PAH: variants seen among roughly 807,000 people sequenced by gnomAD.
The protein encoded by PAH is phenylalanine hydroxylase.
In PAH, 64 loss-of-function variants were observed where a neutral mutation model predicts 62.0. The ratio of observed to expected loss-of-function variants is 1.03; its 90% CI spans 0.84 to 1.27. PAH has a LOEUF of 1.27. PAH is among the 50% of genes most tolerant of loss of function. The pLI, the probability that PAH is intolerant of heterozygous loss-of-function variation, is 0.00. For missense variants in PAH, 579 were observed against 542.8 expected, an observed-to-expected ratio of 1.07 and a Z score of -0.66; for synonymous variants, 195 against 196.2, an observed-to-expected ratio of 0.99 and a Z score of 0.05.
chr12:102,946,722 T>C (rs1368023237), intron 1 of PAH: 6 of 152,212 alleles, frequency 3.9e-5, no homozygotes, highest in African/African-American at 1.2e-4. Context: ...AAAACTAAAA[T>C]AGCGTACTGT....
Position 102,838,984 on chromosome 12 carries a change from T to C in PAH, c.*191A>G, listed in dbSNP as rs1195953226. 1.3e-5 allele frequency: 8 copies of C among 608,304 alleles called. No individual in the cohort carries two copies. The highest frequency in any genetic ancestry group is 5.5e-5 in the East Asian group (2 of 36,210). 37.7% of individuals were successfully genotyped at this position (608,304 alleles called of 1,614,324 possible). A position where few individuals can be genotyped will look rare whatever the true frequency, so the allele number is the denominator to read the frequency against. ...GATGACCCCAAAAGATTTACCATTATGCTCTTGAGTATGTACTCATATCCT... is the reference window on the plus strand; with the variant it reads ...GATGACCCCAAAAGATTTACCATTACGCTCTTGAGTATGTACTCATATCCT... On this transcript the variant is annotated 3_prime_UTR_variant, in exon 13 of 13. Coordinates refer to ENST00000553106, the MANE Select transcript of PAH (RefSeq NM_000277.3).
chr12:102,891,692 G>A (rs1036754234), intron 3 of PAH, among the ~76,000 whole-genome samples: 3 of 152,134 alleles, frequency 2.0e-5, no homozygotes, highest in South Asian at 2.1e-4. Context: ...AAGTCACACC[G>A]AGTGTGGTCG....
In PAH at chr12:102,866,682, C is replaced by A; in HGVS notation, c.442-19G>T. ...TAAAACCCTAGGAGAAAAGAGACAC[C>A]TGATTTTTCAAGGCTTCATAGGAAG... On this transcript the variant is annotated intron_variant, in intron 4 of 12. Coordinates refer to ENST00000553106, the MANE Select transcript of PAH (RefSeq NM_000277.3). 1 of 1,607,868 alleles carries A rather than the reference C, an allele frequency of 6.2e-7. No homozygotes were observed. The highest frequency in any genetic ancestry group is 8.5e-7 in the Non-Finnish European group (1 of 1,174,494).
chr12:102,884,419 CTT>C (rs1876944984), intron 3 of PAH, among the ~76,000 whole-genome samples: 1 of 152,206 alleles, frequency 6.6e-6, no homozygotes, highest in African/African-American at 2.4e-5. Context: ...TGTGCTGACT[CTT>C]TACATTGTGC....
chr12:102,957,889 C>G lies in PAH; in HGVS notation c.-96+306G>C, dbSNP rs989424784. On this transcript the variant is annotated intron_variant, in intron 1 of 4. Coordinates refer to the PAH transcript ENST00000551337. The surrounding 1 kb of genome is among the most constrained non-coding windows in gnomAD (Gnocchi z 4.1). ...CGCGGCAGAGCGCGTTCAGCACTGA[C>G]TTTTGCTGCTGCTTCTGCTTTTTTT... 1 of 198,732 alleles carries G rather than the reference C, an allele frequency of 5.0e-6. No individual in the cohort carries two copies. Among genetic ancestry groups the G allele is most frequent in the Admixed American group, 6.0e-5 (1 of 16,554 alleles). 12.3% of individuals were successfully genotyped at this position (198,732 alleles called of 1,614,324 possible).
At chr12:102,844,070 C>G (rs992167085) in intron 10 of PAH, among the ~76,000 whole-genome samples, 1 of 152,078 alleles carries the variant, frequency 6.6e-6, no homozygotes, top group African/African-American at 2.4e-5. Context: ...TGTTTGCATA[C>G]TCACAAGGCT....
intron 11 of PAH, among the ~76,000 whole-genome samples, chr12:102,842,914 T>C (rs569967948): frequency 5.8e-4 from 88 of 152,240 alleles, no homozygotes; most frequent in African/African-American, 2.1e-3. Context: ...CAGTGAGTAT[T>C]AGGATATTCA....
chr12:102,861,450 C>A (rs11111408), intron 5 of PAH, among the ~76,000 whole-genome samples: 62,344 of 152,028 alleles, frequency 0.41, 13,219 homozygotes, highest in African/African-American at 0.43. Flanking sequence ...ATAACTAGAA[C>A]TACCATTTGA....
chr12:102,853,796 G>A (rs763089332), intron 6 of PAH, among the ~76,000 whole-genome samples: 2 of 152,174 alleles, frequency 1.3e-5, no homozygotes, highest in Non-Finnish European at 2.9e-5. Flanking sequence ...TTGACCTACT[G>A]TATGTAAGAC....
At chr12:102,852,974 A>G (rs1430083259) in intron 6 of PAH, 24 bp from the exon 7 acceptor site, 9 of 1,613,196 alleles carry the variant, frequency 5.6e-6, no homozygotes, top group South Asian at 1.1e-5. Flanking sequence ...AAGAAAGAAA[A>G]CTCAAAGCTC....
At chr12:102,843,350 T>A (rs958079275) in intron 11 of PAH, among the ~76,000 whole-genome samples, 1 of 152,044 alleles carries the variant, frequency 6.6e-6, no homozygotes, top group Admixed American at 6.5e-5. Context: ...ATAAGACTTC[T>A]TTGATTTTGT....
intron 1 of PAH, among the ~76,000 whole-genome samples, chr12:102,941,262 A>G (rs1388963235): frequency 6.6e-6 from 1 of 152,206 alleles, no homozygotes; most frequent in African/African-American, 2.4e-5. Flanking sequence ...AATTTATGTA[A>G]CAACCAGCTA....
intron 6 of PAH, 195 bp from the exon 7 acceptor site, chr12:102,853,145 A>C (rs1430721136): frequency 4.8e-6 from 3 of 631,270 alleles, no homozygotes; most frequent in Non-Finnish European, 8.4e-6. Context: ...CCCATTTCTG[A>C]GCCTCAGTTT....
chr12:102,892,603 G>C (rs1877320971), intron 3 of PAH, among the ~76,000 whole-genome samples: 4 of 152,160 alleles, frequency 2.6e-5, no homozygotes, highest in Admixed American at 6.5e-5. Context: ...ATATTATTCA[G>C]GAACAAAAAG....
chr12:102,915,574 T>C (rs1241913366), intron 1 of PAH, among the ~76,000 whole-genome samples: 1 of 152,250 alleles, frequency 6.6e-6, no homozygotes, highest in Non-Finnish European at 1.5e-5. Flanking sequence ...ACAGCCTATA[T>C]TTCACCATGC....
At chr12:102,954,925 T>TG (rs1879869189), upstream of PAH, among the ~76,000 whole-genome samples, 2 of 151,814 alleles carry the variant, frequency 1.3e-5, no homozygotes, top group Non-Finnish European at 2.9e-5. Flanking sequence ...TTTACTTGAG[T>TG]GGGGGGAGGA....
intron 2 of PAH, among the ~76,000 whole-genome samples, chr12:102,909,084 T>C (rs34923793): frequency 0.11 from 16,528 of 152,144 alleles, 1,050 homozygotes; most frequent in Non-Finnish European, 0.14. Flanking sequence ...CGCCTCAGCC[T>C]CTCAAAGTGC....
chr12:102,930,957 T>C lies in PAH; in HGVS notation c.-95-13732A>G, dbSNP rs368767091. Among the ~76,000 whole-genome samples the C allele has an allele frequency of 1.1e-4, 16 of 152,242 alleles. No homozygotes were observed. In the South Asian group the frequency reaches 3.3e-3, roughly 32 times the overall value. On this transcript the variant is annotated intron_variant, in intron 1 of 3. Coordinates refer to the PAH transcript ENST00000546844. ...ATAATAAAAAAACAAATTTCAATCA[T>C]GTTATAGAAAAAATAAATTATCTGT...
At chr12:102,939,850 C>T (rs1879228432) in intron 1 of PAH, among the ~76,000 whole-genome samples, 1 of 152,174 alleles carries the variant, frequency 6.6e-6, no homozygotes, top group Non-Finnish European at 1.5e-5. Context: ...AACAAAAGCC[C>T]AAGCTTGCCC....
Sources: allele counts gnomAD v4.1 joint callset (sites outside exome capture counted in the v4.1 genomes callset), GRCh38; gene constraint gnomAD v4.1.1; non-coding constraint Gnocchi (gnomAD v3.1); transcripts MANE v1.5; gene names NCBI Gene and HGNC (gene_info 2026-07-23, HGNC 2026-07-21).